Variants in WDR54 observed in about 807,000 individuals in gnomAD.
WDR54 encodes WD repeat-containing protein 54.
WDR54 carries 44 observed loss-of-function variants against 44.1 expected under a neutral mutation model. That is an observed-to-expected ratio of 1.00 (90% CI 0.78 to 1.28). The LOEUF is 1.28. Among genes scored for constraint, WDR54 ranks in the 50% most tolerant of loss-of-function variants. The pLI is 0.00. For missense variants in WDR54, 409 were observed against 429.7 expected, an observed-to-expected ratio of 0.95 and a Z score of 0.43; for synonymous variants, 169 against 169.8, an observed-to-expected ratio of 1.00 and a Z score of 0.04.
intron 3 of WDR54, 171 bp from the exon 4 acceptor site, chr2:74,423,148 C>T (rs948771931): frequency 5.6e-6 from 5 of 887,268 alleles, no homozygotes; most frequent in African/African-American, 5.0e-5. Context: ...TGTCCTTACA[C>T]TATTAACTTC....
At chr2:74,422,986 C>A (rs1367948153) in intron 3 of WDR54, 54 bp downstream of exon 3, 6 of 1,582,748 alleles carry the variant, frequency 3.8e-6, no homozygotes, top group Non-Finnish European at 4.3e-6. Context: ...GCTTCCCTGC[C>A]AGGCTTCCAG....
intron 1 of WDR54, 61 bp from the exon 2 acceptor site, chr2:74,422,092 C>T (rs754987700): frequency 1.6e-5 from 25 of 1,543,228 alleles, no homozygotes; most frequent in Non-Finnish European, 1.8e-5. Flanking sequence ...TAGCCGCCCT[C>T]GGGCATCTCC....
At position 74,421,780 on chromosome 2, in the gene WDR54, C is replaced by A. The variant is rs1676629864; in HGVS notation, c.-38C>A. The A allele has an allele frequency of 3.0e-6, 2 of 667,652 alleles. No individual in the cohort carries two copies. Among genetic ancestry groups the A allele is most frequent in the South Asian group, 1.7e-5 (1 of 59,820 alleles). The allele number at this position is 667,652 out of a possible 1,614,324, so 41.4% of individuals were successfully genotyped here. On this transcript the variant is annotated 5_prime_UTR_variant, in exon 1 of 10. It introduces an in-frame stop codon into an upstream open reading frame of the 5' UTR. Transcript: ENST00000348227. Reference sequence around the variant, plus strand: ...TGGCGGCGGATTTGGAGGGACCCTACGAACCAGGAGTCAGGCGAGCCGATC... The same window carrying A: ...TGGCGGCGGATTTGGAGGGACCCTAAGAACCAGGAGTCAGGCGAGCCGATC...
chr2:74,423,967 G>A lies in WDR54; in HGVS notation c.519G>A (p.Glu173=), dbSNP rs1180683986. ...HQMPITDIAT[E]PAQGQDCVAD... ...TGCCAATCACAGACATTGCCACCGAGCCTGCCCAGGGACAGGTGAGTGGAC... is the reference window on the plus strand; with the variant it reads ...TGCCAATCACAGACATTGCCACCGAACCTGCCCAGGGACAGGTGAGTGGAC... The change falls in exon 6 of 10, where the codon GAG becomes GAA. Residue 173 remains glutamate, a synonymous_variant. Coordinates refer to ENST00000348227, the MANE Select transcript of WDR54 (RefSeq NM_032118.4). The A allele has an allele frequency of 3.7e-6, 6 of 1,614,132 alleles. No homozygotes were observed. Among genetic ancestry groups the A allele is most frequent in the Middle Eastern group, 3.3e-4 (2 of 6,062 alleles).
rs567779446 is a variant in WDR54, at chr2:74,424,975, G to T, written c.635G>T (p.Gly212Val). The change falls in exon 7 of 10, where the codon GGA becomes GTA. Residue 212 changes from glycine (G) to valine (V), a missense_variant and splice_region_variant. Transcript: ENST00000348227. Reference protein sequence around the residue: ...FTLLTRIPGFGVPCPSVQLWQ... With the variant: ...FTLLTRIPGFVVPCPSVQLWQ... ...TTATTGACCCGCATTCCAGGATTTG[G>T]GTAGGTGAGGCAGAAAGGGTAGAGG... 1 of 1,614,204 alleles carries T rather than the reference G, an allele frequency of 6.2e-7. No individual in the cohort carries two copies. The highest frequency in any genetic ancestry group is 2.2e-5 in the East Asian group (1 of 44,884).
intron 3 of WDR54, 84 bp from the exon 4 acceptor site, chr2:74,423,235 T>G (rs2103854527): frequency 6.7e-7 from 1 of 1,489,988 alleles, no homozygotes; most frequent in Non-Finnish European, 9.3e-7. Context: ...GAGGATTAAA[T>G]GGGCTAAGGC....
chr2:74,421,872 C>G lies in WDR54; in HGVS notation c.-2+56C>G, dbSNP rs1437034582. 1.4e-5 allele frequency: 9 copies of G among 628,952 alleles called. No individual in the cohort carries two copies. The Admixed American group carries it at 2.3e-4, about 16-fold the overall frequency. 39.0% of individuals were successfully genotyped at this position (628,952 alleles called of 1,614,324 possible). ...AGGGATCCGAGCCGAGGGAGAAAGC[C>G]TTGGGGGCTTCATCACACTTATTTG... On this transcript the variant is annotated intron_variant, in intron 1 of 9. Transcript: ENST00000348227.
rs1676627209 is a variant in WDR54 at position 74,421,732 on chromosome 2, G to C, written c.-86G>C. 1 of 579,044 alleles carries C rather than the reference G, an allele frequency of 1.7e-6. No individual in the cohort carries two copies. The highest frequency in any genetic ancestry group is 3.3e-5 in the Admixed American group (1 of 30,596). 35.9% of individuals were successfully genotyped at this position (579,044 alleles called of 1,614,324 possible). ...GCCGCTCACCCCGCCCAAGGGCCGT[G>C]CGTACGTGCGTCGTCTCTATGGTGG... On this transcript the variant is annotated 5_prime_UTR_variant, in exon 1 of 10. Coordinates refer to ENST00000348227, the MANE Select transcript of WDR54 (RefSeq NM_032118.4).
intron 3 of WDR54, 68 bp from the exon 4 acceptor site, chr2:74,423,251 C>T (rs998780941): frequency 4.5e-6 from 7 of 1,548,064 alleles, no homozygotes; most frequent in Admixed American, 3.3e-5. Context: ...AAGGCTAACA[C>T]GGATATGTGA....
intron 2 of WDR54, 168 bp downstream of exon 2, chr2:74,422,543 C>T (rs1029329439): frequency 2.1e-5 from 18 of 837,662 alleles, no homozygotes; most frequent in Non-Finnish European, 2.9e-5. Flanking sequence ...GCCTGTAATC[C>T]CAACACTTTG....
rs1426783599 is a variant in WDR54, at chr2:74,422,144, C to G, written c.-1-9C>G. The G allele has an allele frequency of 1.2e-6, 2 of 1,611,298 alleles. No homozygotes were observed. Among genetic ancestry groups the G allele is most frequent in the Admixed American group, 1.7e-5 (1 of 59,994 alleles). Reference sequence around the variant, plus strand: ...GCGCGCCTGGTGATTCGGCTGCACCCCCACACAGGATGTTCCGCTGGGAGC... The same window carrying G: ...GCGCGCCTGGTGATTCGGCTGCACCGCCACACAGGATGTTCCGCTGGGAGC... On this transcript the variant is annotated splice_polypyrimidine_tract_variant and intron_variant, in intron 1 of 9. Transcript: ENST00000348227.
At position 74,422,273 on chromosome 2, in the gene WDR54, A is replaced by G. The variant is rs141681509; in HGVS notation, c.120A>G (p.Pro40=). ...NLTYFGVVHG[P]SAQLLSAAPE... ...CGTATTTTGGCGTGGTTCATGGACCAAGCGCCCAGCTTCTCAGCGCTGCTC... is the reference window on the plus strand; with the variant it reads ...CGTATTTTGGCGTGGTTCATGGACCGAGCGCCCAGCTTCTCAGCGCTGCTC... The change falls in exon 2 of 10, where the codon CCA becomes CCG. Residue 40 remains proline (P), a synonymous_variant. Coordinates refer to ENST00000348227, the MANE Select transcript of WDR54 (RefSeq NM_032118.4). 6.8e-6 allele frequency: 11 copies of G among 1,614,072 alleles called. No homozygotes were observed. The highest frequency in any genetic ancestry group is 9.3e-6 in the Non-Finnish European group (11 of 1,180,044).
intron 6 of WDR54, 70 bp from the exon 7 acceptor site, chr2:74,424,803 TTC>T: frequency 6.3e-7 from 1 of 1,583,056 alleles, no homozygotes; most frequent in Non-Finnish European, 8.7e-7. Flanking sequence ...ACTGCCTCCC[TTC>T]CCCTCCTGCC....
At chr2:74,423,748 G>A (rs1670227283) in intron 5 of WDR54, 107 bp from the exon 6 acceptor site, 1 of 1,533,898 alleles carries the variant, frequency 6.5e-7, no homozygotes, top group South Asian at 1.2e-5. Context: ...AGCAGTGAGA[G>A]GGGGTTTTGT....
rs746088546 is a variant in WDR54 at position 74,422,344 on chromosome 2, G to C, written c.191G>C (p.Gly64Ala). 6.2e-7 allele frequency: 1 copy of C among 1,613,878 alleles called. No homozygotes were observed. The highest frequency in any genetic ancestry group is 1.3e-5 in the African/African-American group (1 of 74,930). The change falls in exon 2 of 10, where the codon GGT (glycine) becomes GCT (alanine). Residue 64 changes from glycine (G) to alanine (A), a missense_variant. Coordinates refer to ENST00000348227, the MANE Select transcript of WDR54 (RefSeq NM_032118.4). Reference sequence around the variant, plus strand: ...CAGCGCCAGCTCCACGCTAAGGAGGGTGCTGGAGTGAGTCCCCCACTTATC... The same window carrying C: ...CAGCGCCAGCTCCACGCTAAGGAGGCTGCTGGAGTGAGTCCCCCACTTATC... ...LAQRQLHAKE[G>A]AGVSPPLITQ...
In WDR54 at chr2:74,425,427, C is replaced by T; in HGVS notation, c.809C>T (p.Ala270Val). The stretch of plus-strand genomic sequence containing the variant: ...CTTCCTCCTCCACAGCTACTCTCTG[C>T]AGGTGAGGACACCTTTGTGCATATC... ...LASEVGKLLS[A>V]GEDTFVHIWK... Residue 270 changes from alanine (A) to valine (V), a missense_variant, in exon 9 of 10, where the codon GCA (alanine) becomes GTA (valine). Coordinates refer to ENST00000348227, the MANE Select transcript of WDR54 (RefSeq NM_032118.4). 2.5e-6 allele frequency: 4 copies of T among 1,614,200 alleles called. No homozygotes were observed. In the South Asian group the frequency reaches 4.4e-5, roughly 18 times the overall value.
chr2:74,423,371 G>A lies in WDR54; in HGVS notation c.338G>A (p.Gly113Glu), dbSNP rs748990217. 6.8e-6 allele frequency: 11 copies of A among 1,614,052 alleles called. No individual in the cohort carries two copies. The highest frequency in any genetic ancestry group is 8.5e-6 in the Non-Finnish European group (10 of 1,180,050). ...TMVYWHALDSGDASPVQAVFA... is the reference protein window; with the variant it reads ...TMVYWHALDSEDASPVQAVFA... ...GTCTACTGGCATGCACTGGACTCTG[G>A]AGATGCCTCCCCAGGTACCTGCAGG... The change falls in exon 4 of 10, where the codon GGA becomes GAA. Residue 113 changes from glycine to glutamate, a missense_variant. Coordinates refer to ENST00000348227, the MANE Select transcript of WDR54 (RefSeq NM_032118.4).
At chr2:74,425,038 G>A (rs1378433359) in intron 7 of WDR54, 37 bp from the exon 8 acceptor site, 1 of 1,613,436 alleles carries the variant, frequency 6.2e-7, no homozygotes, top group East Asian at 2.2e-5. Context: ...AGTAGGATTT[G>A]ATCTGGGCAA....
At chr2:74,423,690 C>T in intron 5 of WDR54, 159 bp downstream of exon 5, 3 of 1,420,576 alleles carry the variant, frequency 2.1e-6, no homozygotes, top group Non-Finnish European at 9.7e-7. Context: ...TTCAGAGGGT[C>T]AGGGTGGGAT....
Sources: allele counts gnomAD v4.1 joint callset, GRCh38; gene constraint gnomAD v4.1.1; transcripts MANE v1.5; gene names NCBI Gene and HGNC (gene_info 2026-07-23, HGNC 2026-07-21).